VAMP7: variants seen among roughly 807,000 people sequenced by gnomAD.
VAMP7 encodes the protein vesicle-associated membrane protein 7.
In VAMP7, 14 loss-of-function variants were observed where a neutral mutation model predicts 29.6. That is an observed-to-expected ratio of 0.47 (90% CI 0.31 to 0.74). The LOEUF (loss-of-function observed/expected upper bound fraction) is 0.74, where lower values mean the gene tolerates loss of function less well. Among genes scored for constraint, VAMP7 ranks in the 30% least tolerant of loss-of-function variants. The pLI, the probability that VAMP7 is intolerant of heterozygous loss-of-function variation, is 0.05. For synonymous variants in VAMP7, 95 were observed against 88.1 expected (o/e 1.08, Z -0.44); for missense variants, 223 against 262.4 (o/e 0.85, Z 1.04).
intron 1 of VAMP7, among the ~76,000 whole-genome samples, chrX:155,884,544 G>C (rs2065844005): frequency 6.6e-6 from 1 of 152,234 alleles, no homozygotes; most frequent in Non-Finnish European, 1.5e-5. Context: ...CTTGAGTCAT[G>C]ACTGTCGTGA....
intron 3 of VAMP7, among the ~76,000 whole-genome samples, chrX:155,897,584 A>G (rs1269249006): frequency 6.6e-6 from 1 of 152,156 alleles, no homozygotes; most frequent in Non-Finnish European, 1.5e-5. Context: ...TTTTTCCTCT[A>G]AGGTATTCTT....
rs185016574 is a variant in VAMP7, at chrX:155,902,073, G to C, written c.433+1486G>C. ...TGAGCAGTGGTTTGTAGTTCTCCTT[G>C]AAGTGGTCCTTCACATCCCTTGTAA... On this transcript the variant is annotated intron_variant, in intron 5 of 7. Coordinates refer to ENST00000286448, the MANE Select transcript of VAMP7 (RefSeq NM_005638.6). Among the ~76,000 whole-genome samples, 105 of 152,186 alleles carry C rather than the reference G, an allele frequency of 6.9e-4. No homozygotes were observed. The East Asian group carries it at 0.017, about 25-fold the overall frequency.
intron 5 of VAMP7, among the ~76,000 whole-genome samples, chrX:155,907,803 G>T: frequency 6.6e-6 from 1 of 152,142 alleles, no homozygotes; most frequent in East Asian, 1.9e-4. Flanking sequence ...CCTCCCAGAC[G>T]GGGCGGCTGC....
At chrX:155,897,216 G>A (rs939749793) in intron 3 of VAMP7, among the ~76,000 whole-genome samples, 20 of 152,108 alleles carry the variant, frequency 1.3e-4, no homozygotes, top group Non-Finnish European at 2.9e-4. Context: ...ATAAGTTAAC[G>A]ATTGATAAAA....
At chrX:155,925,270 A>T (rs1424791976) in intron 6 of VAMP7, among the ~76,000 whole-genome samples, 1 of 152,150 alleles carries the variant, frequency 6.6e-6, no homozygotes, top group East Asian at 1.9e-4. Context: ...CCTTTCTAGA[A>T]GGTCTTCAGT....
intron 5 of VAMP7, among the ~76,000 whole-genome samples, chrX:155,908,829 C>G (rs2066191305): frequency 6.6e-6 from 1 of 151,782 alleles, no homozygotes; most frequent in African/African-American, 2.4e-5. Flanking sequence ...TGTCTGTCAC[C>G]CAGGCTGGAG....
Position 155,942,434 on chromosome X carries a change from G to A in VAMP7, c.*483G>A. 1 of 374,590 alleles carries A rather than the reference G, an allele frequency of 2.7e-6. No homozygotes were observed. Among genetic ancestry groups the A allele is most frequent in the African/African-American group, 2.0e-5 (1 of 49,272 alleles). The allele number at this position is 374,590 out of a possible 1,614,324, so 23.2% of individuals were successfully genotyped here. ...GATAATAGTTGTTATTTGGGGAATT[G>A]TAATGATGTTGGTGCTGCTTCCTTC... is the stretch of plus-strand genomic sequence containing the variant. On this transcript the variant is annotated 3_prime_UTR_variant, in exon 8 of 8. Coordinates refer to ENST00000286448, the MANE Select transcript of VAMP7 (RefSeq NM_005638.6).
chrX:155,936,696 A>G (rs1254198836), intron 6 of VAMP7, among the ~76,000 whole-genome samples: 1 of 152,102 alleles, frequency 6.6e-6, no homozygotes, highest in African/African-American at 2.4e-5. Flanking sequence ...GGTGGGCTGC[A>G]CCCACTGTCC....
chrX:155,920,103 TACTC>T (rs1366911008), intron 6 of VAMP7, among the ~76,000 whole-genome samples: 24 of 152,192 alleles, frequency 1.6e-4, no homozygotes, highest in Non-Finnish European at 1.2e-4. Context: ...TTGGAAAACA[TACTC>T]AGTATACAGA....
At chrX:155,898,380 CTTCCCTGA>C in intron 4 of VAMP7, 131 bp downstream of exon 4, 2 of 1,233,296 alleles carry the variant, frequency 1.6e-6, no homozygotes, top group African/African-American at 1.5e-5. Flanking sequence ...CATAATAAAA[CTTCCCTGA>C]TTAAAAAAAA....
intron 5 of VAMP7, among the ~76,000 whole-genome samples, chrX:155,908,525 C>T (rs1054393329): frequency 5.3e-5 from 8 of 151,454 alleles, no homozygotes; most frequent in Non-Finnish European, 1.2e-4. Context: ...AGAGGGAGAC[C>T]GTGGAAAGAG....
intron 4 of VAMP7, 67 bp from the exon 5 acceptor site, chrX:155,900,430 C>A: frequency 8.1e-7 from 1 of 1,227,204 alleles, no homozygotes; most frequent in South Asian, 1.4e-5. Context: ...TTGTCATTCC[C>A]CTTATTTTTG....
intron 6 of VAMP7, among the ~76,000 whole-genome samples, chrX:155,922,237 C>G (rs1377927695): frequency 6.6e-6 from 1 of 151,876 alleles, no homozygotes; most frequent in African/African-American, 2.4e-5. Context: ...TTCCCTTATT[C>G]TGGCTAGAAC....
intron 5 of VAMP7, among the ~76,000 whole-genome samples, chrX:155,911,548 G>A (rs964724066): frequency 3.3e-5 from 5 of 151,970 alleles, no homozygotes; most frequent in Admixed American, 6.6e-5. Context: ...TGGGCTTATG[G>A]TCATTTTAAT....
At chrX:155,893,456 A>G (rs1307309602) in intron 2 of VAMP7, among the ~76,000 whole-genome samples, 1 of 152,178 alleles carries the variant, frequency 6.6e-6, no homozygotes, top group Non-Finnish European at 1.5e-5. Flanking sequence ...GTTAGTGTAG[A>G]GGGAAAGGGA....
intron 4 of VAMP7, among the ~76,000 whole-genome samples, chrX:155,899,370 T>C (rs952222114): frequency 2.0e-5 from 3 of 152,036 alleles, no homozygotes; most frequent in Non-Finnish European, 4.4e-5. Context: ...GTTTTCATGA[T>C]GTCAGACACC....
rs758003477 is a variant in VAMP7 at position 155,942,113 on chromosome X, G to T, written c.*162G>T. The T allele has an allele frequency of 6.4e-7, 1 of 1,552,776 alleles. No homozygotes were observed. The highest frequency in any genetic ancestry group is 1.4e-5 in the African/African-American group (1 of 73,028). On this transcript the variant is annotated 3_prime_UTR_variant, in exon 8 of 8. Transcript: ENST00000286448. ...GTTCCATGCCTCCAGGTTTATCTTT[G>T]TCTTATCTACCAGTTTATTCCTGTG... is the stretch of plus-strand genomic sequence containing the variant.
Position 155,889,542 on chromosome X carries a change from C to G in VAMP7, c.76C>G (p.Leu26Val). The change falls in exon 2 of 8, where the codon CTG becomes GTG. Residue 26 changes from leucine to valine, a missense_variant. Coordinates refer to ENST00000286448, the MANE Select transcript of VAMP7 (RefSeq NM_005638.6). ...ACATGCTTGGTGTGGAGGAAACTTCCTGGAGGTGACAGAGCAGATTCTGGC... is the reference window on the plus strand; with the variant it reads ...ACATGCTTGGTGTGGAGGAAACTTCGTGGAGGTGACAGAGCAGATTCTGGC... ...AKHAWCGGNF[L>V]EVTEQILAKI... is the part of the protein sequence containing the mutation. The G allele has an allele frequency of 6.2e-7, 1 of 1,613,892 alleles. No individual in the cohort carries two copies. The highest frequency in any genetic ancestry group is 8.5e-7 in the Non-Finnish European group (1 of 1,179,850).
chrX:155,908,820 G>A (rs1044247653), intron 5 of VAMP7, among the ~76,000 whole-genome samples: 4 of 151,928 alleles, frequency 2.6e-5, no homozygotes, highest in African/African-American at 7.3e-5. Flanking sequence ...GATGGGGTCT[G>A]TCTGTCACCC....
Sources: allele counts gnomAD v4.1 joint callset (sites outside exome capture counted in the v4.1 genomes callset), GRCh38; gene constraint gnomAD v4.1.1; transcripts MANE v1.5; gene names NCBI Gene and HGNC (gene_info 2026-07-23, HGNC 2026-07-21).